PTPRT: variants seen among roughly 807,000 people sequenced by gnomAD.
The protein encoded by PTPRT is protein tyrosine phosphatase receptor type T, also known as receptor-type tyrosine-protein phosphatase T.
Under a neutral mutation model 176.8 loss-of-function variants are expected in PTPRT, and 56 were observed. The observed-to-expected ratio is 0.32, with a 90% CI of 0.26 to 0.40. PTPRT has a LOEUF of 0.40. PTPRT is among the 10% of genes least tolerant of loss of function. The pLI is 1.00. For synonymous variants in PTPRT, 783 were observed against 739.0 expected (o/e 1.06, Z -0.96); for missense variants, 1,540 against 1,908.2 (o/e 0.81, Z 3.60).
At chr20:42,483,409 C>T (rs1403563406) in intron 7 of PTPRT, among the ~76,000 whole-genome samples, 1 of 152,230 alleles carries the variant, frequency 6.6e-6, no homozygotes, top group Non-Finnish European at 1.5e-5. Flanking sequence ...AGTGATCCAC[C>T]CGCCTTGGCC....
intron 6 of PTPRT, among the ~76,000 whole-genome samples, chr20:42,717,151 C>T (rs773540794): frequency 2.7e-5 from 4 of 150,120 alleles, no homozygotes; most frequent in African/African-American, 2.5e-5. Flanking sequence ...CTAACCTGCA[C>T]GTTGTGCACA....
At chr20:43,044,660 C>G (rs1441978163) in intron 1 of PTPRT, among the ~76,000 whole-genome samples, 1 of 152,172 alleles carries the variant, frequency 6.6e-6, no homozygotes, top group East Asian at 1.9e-4. Context: ...AACGGGGACA[C>G]TGATAGCACC....
At chr20:42,204,974 C>CTT (rs11472303) in intron 15 of PTPRT, among the ~76,000 whole-genome samples, 43,594 of 138,656 alleles carry the variant, frequency 0.31, 7,335 homozygotes, top group East Asian at 0.38. Flanking sequence ...GAAGGAATTT[C>CTT]TTTTTTTTTT....
chr20:43,001,361 A>G (rs942684449), intron 1 of PTPRT, among the ~76,000 whole-genome samples: 2 of 152,188 alleles, frequency 1.3e-5, no homozygotes, highest in African/African-American at 4.8e-5. Flanking sequence ...TAATTATGGC[A>G]TAGTTATACA....
intron 6 of PTPRT, among the ~76,000 whole-genome samples, chr20:42,751,047 A>G (rs542974894): frequency 1.3e-5 from 2 of 152,272 alleles, no homozygotes; most frequent in African/African-American, 4.8e-5. Context: ...CTACCCTCAC[A>G]TTAGGCAGCA....
chr20:42,866,615 G>T (rs1364750584), intron 2 of PTPRT, among the ~76,000 whole-genome samples: 2 of 152,090 alleles, frequency 1.3e-5, no homozygotes, highest in Non-Finnish European at 2.9e-5. Context: ...AACATTCCCT[G>T]ACTTAATCTC....
rs180802276 is a variant in PTPRT at position 42,405,520 on chromosome 20, A to G, written c.1560+42700T>C. 4.5e-4 allele frequency among the ~76,000 whole-genome samples: 68 copies of G among 152,256 alleles called. No individual in the cohort carries two copies. In the East Asian group the frequency reaches 0.012, roughly 26 times the overall value. On this transcript the variant is annotated intron_variant, in intron 9 of 30. Coordinates refer to ENST00000373187, the MANE Select transcript of PTPRT (RefSeq NM_007050.6). The stretch of plus-strand genomic sequence containing the variant: ...ATCCATGTCCCTACAAAGGACAGGA[A>G]CTCATCATTTTTTATGGCTACATAA...
At position 43,069,258 on chromosome 20, in the gene PTPRT, G is replaced by A. The variant is rs375240777; in HGVS notation, c.88+120388C>T. Among the ~76,000 whole-genome samples, 293 of 152,258 alleles carry A rather than the reference G, an allele frequency of 1.9e-3. 3 individuals are homozygous for A. Among genetic ancestry groups the A allele is most frequent in the African/African-American group, 6.7e-3 (277 of 41,564 alleles). On this transcript the variant is annotated intron_variant, in intron 1 of 30. Coordinates refer to ENST00000373187, the MANE Select transcript of PTPRT (RefSeq NM_007050.6). ...CATATGCTTGGGTCCCTCGGTTAAC[G>A]CGCGCATCCAGCTGGGACACTTCGT...
At chr20:42,837,405 C>T (rs1438279061) in intron 2 of PTPRT, among the ~76,000 whole-genome samples, 1 of 152,192 alleles carries the variant, frequency 6.6e-6, no homozygotes, top group African/African-American at 2.4e-5. Context: ...GGCTATCATC[C>T]TATTGTGACA....
intron 1 of PTPRT, among the ~76,000 whole-genome samples, chr20:42,985,080 T>A (rs929249842): frequency 6.6e-6 from 1 of 152,138 alleles, no homozygotes; most frequent in Non-Finnish European, 1.5e-5. Context: ...AGGAGGGATC[T>A]TGAAAGAACG....
intron 7 of PTPRT, among the ~76,000 whole-genome samples, chr20:42,591,733 T>TC (rs1287915385): frequency 5.9e-5 from 9 of 152,140 alleles, no homozygotes. Context: ...ATCTCACTGT[T>TC]CCCCTAACCT....
At chr20:42,841,851 T>C (rs1428774178) in intron 2 of PTPRT, among the ~76,000 whole-genome samples, 1 of 152,210 alleles carries the variant, frequency 6.6e-6, no homozygotes, top group Non-Finnish European at 1.5e-5. Context: ...AGCTTCAATC[T>C]AGCTGAAGCC....
At chr20:42,639,446 C>T (rs1385780173) in intron 7 of PTPRT, among the ~76,000 whole-genome samples, 1 of 152,136 alleles carries the variant, frequency 6.6e-6, no homozygotes, top group Non-Finnish European at 1.5e-5. Flanking sequence ...CATGCAGCCT[C>T]TGTTCTGGCC....
intron 1 of PTPRT, among the ~76,000 whole-genome samples, chr20:42,978,320 C>T (rs1983075136): frequency 6.6e-6 from 1 of 151,926 alleles, no homozygotes; most frequent in Admixed American, 6.6e-5. Context: ...TGTTCTGTAC[C>T]CACCTATTTT....
chr20:42,781,991 T>C (rs1395835242), intron 3 of PTPRT, among the ~76,000 whole-genome samples: 2 of 152,166 alleles, frequency 1.3e-5, no homozygotes, highest in Non-Finnish European at 2.9e-5. Context: ...CATTGAGTGA[T>C]TTTTTAGATT....
chr20:42,609,763 G>A (rs2073942881), intron 7 of PTPRT, among the ~76,000 whole-genome samples: 1 of 152,208 alleles, frequency 6.6e-6, no homozygotes, highest in South Asian at 2.1e-4. Context: ...TAGGCTGGCA[G>A]ACAAATAAGA....
At chr20:42,523,945 C>A (rs994763952) in intron 7 of PTPRT, among the ~76,000 whole-genome samples, 1 of 152,008 alleles carries the variant, frequency 6.6e-6, no homozygotes, top group Non-Finnish European at 1.5e-5. Flanking sequence ...ATGTTCACAC[C>A]TGTGAATAGT....
At chr20:43,155,330 G>T (rs2014486001) in intron 1 of PTPRT, among the ~76,000 whole-genome samples, 1 of 152,176 alleles carries the variant, frequency 6.6e-6, no homozygotes, top group South Asian at 2.1e-4. Flanking sequence ...TATACACAAT[G>T]GAATACCATT....
intron 6 of PTPRT, among the ~76,000 whole-genome samples, chr20:42,755,244 C>T (rs2076814445): frequency 6.6e-6 from 1 of 152,050 alleles, no homozygotes; most frequent in Non-Finnish European, 1.5e-5. Context: ...ATAGAGAATC[C>T]CAGCCTGCAA....
Sources: gnomAD v4.1 joint callset for allele counts (sites outside exome capture counted in the v4.1 genomes callset) on GRCh38, gnomAD v4.1.1 for gene constraint, MANE v1.5 for transcripts, NCBI Gene and HGNC (gene_info 2026-07-23, HGNC 2026-07-21) for gene names.